Variants in PDE4D observed in about 807,000 individuals in gnomAD.
The protein encoded by PDE4D is phosphodiesterase 4D, also known as 3',5'-cyclic-AMP phosphodiesterase 4D.
In PDE4D, 24 loss-of-function variants were observed where a neutral mutation model predicts 87.4. That is an observed-to-expected ratio of 0.27 (90% confidence interval 0.20 to 0.39). The LOEUF is 0.39. Among genes scored for constraint, PDE4D ranks in the 10% least tolerant of loss-of-function variants. The probability of loss-of-function intolerance (pLI) is 1.00; values close to 1 mark genes in which losing one functional copy is unlikely to be tolerated. For missense variants in PDE4D, 714 were observed against 1,041.0 expected, an observed-to-expected ratio of 0.69 and a Z score of 4.32; for synonymous variants, 384 against 383.2, an observed-to-expected ratio of 1.00 and a Z score of -0.02.
At chr5:60,029,000 G>A (rs1766944613) in intron 2 of PDE4D, among the ~76,000 whole-genome samples, 1 of 152,296 alleles carries the variant, frequency 6.6e-6, no homozygotes, top group East Asian at 1.9e-4. Flanking sequence ...CAGTATAACT[G>A]GTTAGATACA....
chr5:60,091,943 C>T (rs1004989081), intron 2 of PDE4D, among the ~76,000 whole-genome samples: 5 of 144,852 alleles, frequency 3.5e-5, no homozygotes, highest in African/African-American at 5.1e-5. Context: ...CCCAGCTACT[C>T]GGGAGGCTGA....
chr5:60,168,288 G>C (rs1783112313), intron 2 of PDE4D, among the ~76,000 whole-genome samples: 1 of 152,180 alleles, frequency 6.6e-6, no homozygotes, highest in East Asian at 1.9e-4. Flanking sequence ...TCCTGGATAG[G>C]GGTTCAGAGC....
chr5:59,273,425 TTAAA>T (rs57271981), intron 1 of PDE4D, among the ~76,000 whole-genome samples: 30,355 of 151,846 alleles, frequency 0.2, 3,372 homozygotes, highest in Non-Finnish European at 0.25. Context: ...ATACATGTAA[TTAAA>T]TAAATAAATA....
At chr5:59,791,133 C>G (rs1189465893) in intron 1 of PDE4D, among the ~76,000 whole-genome samples, 1 of 152,166 alleles carries the variant, frequency 6.6e-6, no homozygotes, top group Non-Finnish European at 1.5e-5. Flanking sequence ...CCTAATTGTT[C>G]CTAATGTCAA....
chr5:59,752,737 C>T (rs1308005197), intron 1 of PDE4D, among the ~76,000 whole-genome samples: 1 of 152,154 alleles, frequency 6.6e-6, no homozygotes, highest in African/African-American at 2.4e-5. Flanking sequence ...CACCACAAAG[C>T]ATCATTCTGG....
intron 1 of PDE4D, 60 bp downstream of exon 1, chr5:59,893,108 A>G (rs1267334370): frequency 6.8e-7 from 1 of 1,475,032 alleles, no homozygotes; most frequent in Non-Finnish European, 9.1e-7. Flanking sequence ...TAGATGGAGT[A>G]TTTGAGAAAA....
intron 1 of PDE4D, among the ~76,000 whole-genome samples, chr5:59,848,754 G>A (rs1464700006): frequency 6.6e-6 from 1 of 152,014 alleles, no homozygotes; most frequent in African/African-American, 2.4e-5. Flanking sequence ...CATTAGAATA[G>A]AAATATCAGC....
chr5:59,837,785 G>C lies in PDE4D; in HGVS notation c.455+55383C>G, dbSNP rs138317401. 7.7e-3 allele frequency among the ~76,000 whole-genome samples: 1,171 copies of C among 152,158 alleles called. 12 individuals are homozygous for C. The highest frequency in any genetic ancestry group is 0.047 in the South Asian group (225 of 4,828). On this transcript the variant is annotated intron_variant, in intron 1 of 14. Transcript: ENST00000340635. ...GAGAGTTTCCATGCAGTTGTGGCAA[G>C]AATAACTAGGACACCATTGCTCCTT...
chr5:59,539,728 C>T (rs1331823817), intron 1 of PDE4D, among the ~76,000 whole-genome samples: 1 of 152,004 alleles, frequency 6.6e-6, no homozygotes, highest in South Asian at 2.1e-4. Flanking sequence ...CTCTGCTTAC[C>T]TCTTAATTTT....
At chr5:60,125,959 C>A (rs1054775181) in intron 2 of PDE4D, among the ~76,000 whole-genome samples, 1 of 152,026 alleles carries the variant, frequency 6.6e-6, no homozygotes, top group Non-Finnish European at 1.5e-5. Context: ...TAAAAGAGCC[C>A]TTTAATATCC....
At chr5:59,797,454 C>A (rs1766621911) in intron 1 of PDE4D, among the ~76,000 whole-genome samples, 1 of 152,184 alleles carries the variant, frequency 6.6e-6, no homozygotes, top group Non-Finnish European at 1.5e-5. Flanking sequence ...TCTGCTGGAG[C>A]CATTAAGTGC....
At chr5:59,330,871 C>T (rs1237749984) in intron 1 of PDE4D, among the ~76,000 whole-genome samples, 3 of 152,116 alleles carry the variant, frequency 2.0e-5, no homozygotes, top group Non-Finnish European at 2.9e-5. Context: ...TTCCTGCCTT[C>T]GTGTCTGACA....
intron 1 of PDE4D, among the ~76,000 whole-genome samples, chr5:59,311,253 G>T (rs533413204): frequency 1.3e-5 from 2 of 151,988 alleles, no homozygotes. Flanking sequence ...TCAGCTGGGC[G>T]TGGTGGCTCA....
chr5:59,402,803 AACTG>A (rs1196322166), intron 1 of PDE4D, among the ~76,000 whole-genome samples: 2 of 152,058 alleles, frequency 1.3e-5, no homozygotes, highest in East Asian at 3.9e-4. Context: ...CCATATTTCT[AACTG>A]ACTTTCTATT....
chr5:60,193,687 A>G (rs952752442), intron 1 of PDE4D, among the ~76,000 whole-genome samples: 2 of 149,852 alleles, frequency 1.3e-5, no homozygotes, highest in Non-Finnish European at 3.0e-5. Flanking sequence ...AAAAAAAAAA[A>G]AAAAAGAAAG....
At position 59,409,396 on chromosome 5, in the gene PDE4D, A is replaced by C. The variant is rs572049102; in HGVS notation, c.456-193428T>G. 6.6e-5 allele frequency among the ~76,000 whole-genome samples: 10 copies of C among 152,240 alleles called. No individual in the cohort carries two copies. The East Asian group carries it at 1.9e-3, about 29-fold the overall frequency. On this transcript the variant is annotated intron_variant, in intron 1 of 14. Coordinates refer to ENST00000340635, the MANE Select transcript of PDE4D (RefSeq NM_001104631.2). Reference sequence around the variant, plus strand: ...GAAGGACATGAGATTTAGGGGGCCAAGGGCGGAATGATACAGTTTGGGTGT... The same window carrying C: ...GAAGGACATGAGATTTAGGGGGCCACGGGCGGAATGATACAGTTTGGGTGT...
intron 4 of PDE4D, among the ~76,000 whole-genome samples, chr5:59,183,520 G>C (rs1742172461): frequency 6.6e-6 from 1 of 152,182 alleles, no homozygotes; most frequent in Non-Finnish European, 1.5e-5. Flanking sequence ...AGCATAAAGG[G>C]AGTTTCTTGT....
At chr5:60,111,686 A>G (rs944588616) in intron 2 of PDE4D, among the ~76,000 whole-genome samples, 1 of 152,002 alleles carries the variant, frequency 6.6e-6, no homozygotes, top group Non-Finnish European at 1.5e-5. Flanking sequence ...CCAGATGGGT[A>G]TATCTGTGAT....
At chr5:59,880,429 C>CA (rs1238352396) in intron 1 of PDE4D, among the ~76,000 whole-genome samples, 1 of 152,030 alleles carries the variant, frequency 6.6e-6, no homozygotes, top group East Asian at 1.9e-4. Context: ...TCATGAGTTA[C>CA]AAAAAGATGT....
Sources: allele counts gnomAD v4.1 joint callset (sites outside exome capture counted in the v4.1 genomes callset), GRCh38; gene constraint gnomAD v4.1.1; transcripts MANE v1.5; gene names NCBI Gene and HGNC (gene_info 2026-07-23, HGNC 2026-07-21).